NLGN1: variants seen among roughly 807,000 people sequenced by gnomAD.
The protein encoded by NLGN1 is neuroligin 1.
Under a neutral mutation model 65.5 loss-of-function variants are expected in NLGN1, and 12 were observed. That is an observed-to-expected ratio of 0.18 (90% CI 0.12 to 0.30). The LOEUF (loss-of-function observed/expected upper bound fraction) is 0.30, where lower values mean the gene tolerates loss of function less well. Among genes scored for constraint, NLGN1 ranks in the 10% least tolerant of loss-of-function variants. NLGN1 has a pLI of 1.00. For missense variants in NLGN1, 750 were observed against 1,007.1 expected (o/e 0.74, Z 3.46); for synonymous variants, 350 against 359.5 (o/e 0.97, Z 0.30).
intron 4 of NLGN1, among the ~76,000 whole-genome samples, chr3:173,855,729 AT>A (rs1204563514): frequency 1.3e-5 from 2 of 152,214 alleles, no homozygotes; most frequent in African/African-American, 4.8e-5. Context: ...TCTGTAACTA[AT>A]TTTGACATGA....
intron 4 of NLGN1, among the ~76,000 whole-genome samples, chr3:174,157,083 C>T (rs1484194107): frequency 6.6e-6 from 1 of 151,276 alleles, no homozygotes; most frequent in Non-Finnish European, 1.5e-5. Context: ...ACATATTACA[C>T]TAATGCAAGA....
At chr3:174,261,238 T>C (rs1746840027) in intron 4 of NLGN1, among the ~76,000 whole-genome samples, 3 of 151,592 alleles carry the variant, frequency 2.0e-5, no homozygotes, top group African/African-American at 7.3e-5. Flanking sequence ...ATTGGTAGCT[T>C]TATGGGGATG....
intron 3 of NLGN1, among the ~76,000 whole-genome samples, chr3:173,715,843 G>GT (rs1172452959): frequency 2.6e-5 from 4 of 151,716 alleles, no homozygotes; most frequent in Non-Finnish European, 4.4e-5. Flanking sequence ...TGTTTATACT[G>GT]TTTTTTGTGT....
intron 2 of NLGN1, among the ~76,000 whole-genome samples, chr3:173,489,959 G>A (rs1323034168): frequency 6.6e-6 from 1 of 152,094 alleles, no homozygotes; most frequent in Admixed American, 6.6e-5. Flanking sequence ...AAATTTGTTT[G>A]TGTTGTTTGT....
chr3:174,206,688 G>C (rs556616626), intron 4 of NLGN1, among the ~76,000 whole-genome samples: 1 of 152,280 alleles, frequency 6.6e-6, no homozygotes, highest in South Asian at 2.1e-4. Context: ...TCTTTGATGA[G>C]AACAGTCTGC....
At chr3:174,270,038 T>A (rs2152875864) in intron 4 of NLGN1, among the ~76,000 whole-genome samples, 1 of 151,862 alleles carries the variant, frequency 6.6e-6, no homozygotes, top group Admixed American at 6.6e-5. Flanking sequence ...TTTGTTGTTG[T>A]TGTTTAGTTG....
At chr3:173,492,854 C>G (rs1265512586) in intron 2 of NLGN1, among the ~76,000 whole-genome samples, 1 of 151,682 alleles carries the variant, frequency 6.6e-6, no homozygotes, top group East Asian at 1.9e-4. Context: ...TAGAGAAACC[C>G]TATGCTTTAG....
intron 4 of NLGN1, among the ~76,000 whole-genome samples, chr3:174,077,812 C>A (rs1196223489): frequency 1.3e-5 from 2 of 152,108 alleles, no homozygotes; most frequent in African/African-American, 4.8e-5. Context: ...CCTCAGCCTC[C>A]CAAAGTGCTA....
At chr3:174,078,511 T>C (rs533740138) in intron 4 of NLGN1, among the ~76,000 whole-genome samples, 4 of 152,282 alleles carry the variant, frequency 2.6e-5, no homozygotes, top group African/African-American at 9.6e-5. Flanking sequence ...GATTAGAATA[T>C]TTCTTACACA....
intron 4 of NLGN1, among the ~76,000 whole-genome samples, chr3:174,018,626 T>A (rs1166834945): frequency 2.0e-5 from 3 of 152,118 alleles, no homozygotes; most frequent in African/African-American, 7.2e-5. Flanking sequence ...TACAGGTACA[T>A]CTAGAAACGT....
chr3:173,529,079 A>T (rs928080407), intron 2 of NLGN1, among the ~76,000 whole-genome samples: 1 of 152,104 alleles, frequency 6.6e-6, no homozygotes, highest in Non-Finnish European at 1.5e-5. Context: ...TTGCTTTTGA[A>T]GTTACTTTTG....
At chr3:174,241,935 G>A (rs1340223599) in intron 4 of NLGN1, among the ~76,000 whole-genome samples, 4 of 152,298 alleles carry the variant, frequency 2.6e-5, no homozygotes, top group Admixed American at 6.5e-5. Context: ...TAGGATTACA[G>A]GCGTGAGCCA....
At chr3:174,210,981 C>T (rs961068025) in intron 4 of NLGN1, among the ~76,000 whole-genome samples, 1 of 152,144 alleles carries the variant, frequency 6.6e-6, no homozygotes, top group African/African-American at 2.4e-5. Flanking sequence ...CGCGGACCCT[C>T]GCGGTGAGTG....
intron 2 of NLGN1, among the ~76,000 whole-genome samples, chr3:173,590,856 A>G (rs1323228359): frequency 6.6e-6 from 1 of 152,194 alleles, no homozygotes; most frequent in Admixed American, 6.5e-5. Context: ...TAGAGTTTAT[A>G]TACTTCACTT....
At chr3:173,511,268 G>A (rs138034213) in intron 2 of NLGN1, among the ~76,000 whole-genome samples, 69 of 152,150 alleles carry the variant, frequency 4.5e-4, no homozygotes, top group African/African-American at 1.5e-3. Context: ...TAGGTTCACA[G>A]CAAAACTGAG....
At chr3:174,091,684 A>C (rs970420873) in intron 4 of NLGN1, among the ~76,000 whole-genome samples, 1 of 152,204 alleles carries the variant, frequency 6.6e-6, no homozygotes, top group Non-Finnish European at 1.5e-5. Flanking sequence ...GGTTTTATAA[A>C]AGTAATATAT....
chr3:173,490,963 G>A (rs1340246456), intron 2 of NLGN1, among the ~76,000 whole-genome samples: 1 of 151,480 alleles, frequency 6.6e-6, no homozygotes, highest in Non-Finnish European at 1.5e-5. Flanking sequence ...AGACTTTGCT[G>A]AAGTTGCTTA....
intron 3 of NLGN1, among the ~76,000 whole-genome samples, chr3:173,649,692 T>G (rs566239035): frequency 2.0e-5 from 3 of 152,108 alleles, no homozygotes; most frequent in African/African-American, 7.2e-5. Flanking sequence ...CACACAGACC[T>G]AGAGAGAAAG....
At chr3:174,252,560 A>G (rs1291430969) in intron 4 of NLGN1, among the ~76,000 whole-genome samples, 1 of 152,112 alleles carries the variant, frequency 6.6e-6, no homozygotes, top group East Asian at 1.9e-4. Context: ...CTAACCAGCT[A>G]TGTGATATCA....
Sources: allele counts gnomAD v4.1 joint callset (sites outside exome capture counted in the v4.1 genomes callset), GRCh38; gene constraint gnomAD v4.1.1; transcripts MANE v1.5; gene names NCBI Gene and HGNC (gene_info 2026-07-23, HGNC 2026-07-21).